The following CARD8 variants were observed in gnomAD, a reference collection of about 807,000 sequenced individuals.
CARD8 encodes the protein caspase recruitment domain-containing protein 8.
Under a neutral mutation model 53.2 loss-of-function variants are expected in CARD8, and 38 were observed. That is an observed-to-expected ratio of 0.71 (90% confidence interval 0.55 to 0.94). The LOEUF (loss-of-function observed/expected upper bound fraction) is 0.94. Ranked by LOEUF, CARD8 falls within the 40% of genes least tolerant of loss-of-function variation. The pLI is 0.00. For synonymous variants in CARD8, 245 were observed against 244.9 expected (o/e 1.00, Z 0.00); for missense variants, 561 against 655.5 (o/e 0.86, Z 1.57).
chr19:48,250,030 T>G (rs892427929), intron 1 of CARD8, among the ~76,000 whole-genome samples, 183 bp from the exon 2 acceptor site: 1 of 152,198 alleles, frequency 6.6e-6, no homozygotes, highest in South Asian at 2.1e-4. Flanking sequence ...TGTTTTAATT[T>G]CTGTAATAAT....
At chr19:48,224,786 C>T (rs540999709) in intron 10 of CARD8, among the ~76,000 whole-genome samples, 9 of 149,234 alleles carry the variant, frequency 6.0e-5, no homozygotes, top group Non-Finnish European at 7.4e-5. Flanking sequence ...GATGGAGTCT[C>T]GCTCTGTCGC....
chr19:48,244,820 G>A lies in CARD8; in HGVS notation c.-43-3757C>T, dbSNP rs545439330. Among the ~76,000 whole-genome samples the A allele has an allele frequency of 2.6e-5, 4 of 151,954 alleles. 1 individual carries two copies. Among genetic ancestry groups the A allele is most frequent in the African/African-American group, 9.6e-5 (4 of 41,504 alleles). On this transcript the variant is annotated intron_variant, in intron 3 of 13. Transcript: ENST00000651546. The stretch of plus-strand genomic sequence containing the variant: ...AAGTTGTTGTTTTTTGTTTTGTTTT[G>A]TTTTAGATAAAGAACAATCAAAGGA...
chr19:48,246,528 A>G lies in CARD8; in HGVS notation c.-44+2995T>C, dbSNP rs185142054. On this transcript the variant is annotated intron_variant, in intron 3 of 13. Transcript: ENST00000651546. Reference sequence around the variant, plus strand: ...CCGAACTGTGCCTACACATGCCTGTATTTACTTCTCGATAGATAGACTGAC... The same window carrying G: ...CCGAACTGTGCCTACACATGCCTGTGTTTACTTCTCGATAGATAGACTGAC... Among the ~76,000 whole-genome samples, 34 of 152,274 alleles carry G rather than the reference A, an allele frequency of 2.2e-4. No homozygotes were observed. The South Asian group carries it at 2.7e-3, about 12-fold the overall frequency.
At chr19:48,221,440 CA>C (rs2040606504) in intron 11 of CARD8, among the ~76,000 whole-genome samples, 1 of 152,158 alleles carries the variant, frequency 6.6e-6, no homozygotes, top group Admixed American at 6.5e-5. Context: ...TTAGGCAAGA[CA>C]TCAGGACTGA....
chr19:48,204,380 G>C (rs1258507879), downstream of CARD8: 1 of 338,140 alleles, frequency 3.0e-6, no homozygotes, highest in East Asian at 9.3e-5. Flanking sequence ...GGGGAAATGG[G>C]ATGTTTTCAA....
chr19:48,214,054 A>AC (rs1366871118), intron 13 of CARD8, among the ~76,000 whole-genome samples: 5 of 152,162 alleles, frequency 3.3e-5, no homozygotes, highest in African/African-American at 1.2e-4. Flanking sequence ...TTAAATATTT[A>AC]CCCCCAATAA....
Position 48,241,053 on chromosome 19 carries a change from TC to T in CARD8, c.-34del. On this transcript the variant is annotated 5_prime_UTR_variant, in exon 4 of 14. The change abolishes the stop of an existing upstream ORF in the 5' untranslated region. Coordinates refer to ENST00000651546, the MANE Select transcript of CARD8 (RefSeq NM_001184900.3). ...ATGTGGTATTTATGTCTTTACTGTA[TC>T]TTTTTTACCCTGAAAAAATAAAAGG... is the stretch of plus-strand genomic sequence containing the variant. The T allele has an allele frequency of 6.7e-7, 1 of 1,496,324 alleles. No homozygotes were observed. The highest frequency in any genetic ancestry group is 9.0e-7 in the Non-Finnish European group (1 of 1,111,008). 92.7% of individuals were successfully genotyped at this position (1,496,324 alleles called of 1,614,324 possible).
intron 12 of CARD8, among the ~76,000 whole-genome samples, chr19:48,216,401 C>T (rs937562757): frequency 6.6e-6 from 1 of 152,174 alleles, no homozygotes; most frequent in Non-Finnish European, 1.5e-5. Context: ...AAACAAAACT[C>T]TGACAATCTG....
At position 48,230,487 on chromosome 19, in the gene CARD8, T is replaced by A. The variant is rs1255950401; in HGVS notation, c.986A>T (p.Asp329Val). 1 of 1,613,784 alleles carries A rather than the reference T, an allele frequency of 6.2e-7. No individual in the cohort carries two copies. The highest frequency in any genetic ancestry group is 1.7e-5 in the Admixed American group (1 of 59,998). Residue 329 changes from aspartate to valine, a missense_variant, in exon 10 of 14, where the codon GAT becomes GTT. Coordinates refer to ENST00000651546, the MANE Select transcript of CARD8 (RefSeq NM_001184900.3). Reference sequence around the variant, plus strand: ...GACAAGGTACAAGTGGAACTTAATATCTTCGGGGTGGGGGTGATAATAGAT... The same window carrying A: ...GACAAGGTACAAGTGGAACTTAATAACTTCGGGGTGGGGGTGATAATAGAT... ...TLIYYHPHPEDIKFHLYLVPS... is the reference protein window; with the variant it reads ...TLIYYHPHPEVIKFHLYLVPS...
chr19:48,230,862 C>T lies in CARD8; in HGVS notation c.687G>A (p.Leu229=). The T allele has an allele frequency of 6.2e-7, 1 of 1,614,220 alleles. No individual in the cohort carries two copies. The highest frequency in any genetic ancestry group is 8.5e-7 in the Non-Finnish European group (1 of 1,180,056). Residue 229 remains leucine (L), a synonymous_variant, in exon 9 of 14, where the codon CTG becomes CTA. Transcript: ENST00000651546. The part of the protein sequence containing the change: ...ALDLQHHEQW[L]VGGPLFDVTA... ...TGACATCAAACAAGGGGCCGCCCAC[C>T]AGCCACTGTTCATGGTGCTGCAGGT... is the stretch of plus-strand genomic sequence containing the variant.
intron 1 of CARD8, among the ~76,000 whole-genome samples, chr19:48,255,403 T>C (rs1260997204): frequency 2.0e-5 from 3 of 152,196 alleles, no homozygotes; most frequent in African/African-American, 7.2e-5. Flanking sequence ...GAAGCTTTCA[T>C]ATGTTTGTTA....
At chr19:48,240,877 C>T (rs1441430227) in intron 4 of CARD8, 85 bp downstream of exon 4, 12 of 1,060,658 alleles carry the variant, frequency 1.1e-5, no homozygotes, top group Non-Finnish European at 1.7e-5. Flanking sequence ...CAGAAAACAT[C>T]CATGGTCCTC....
downstream of CARD8, among the ~76,000 whole-genome samples, chr19:48,207,130 T>G (rs1232655490): frequency 7.5e-6 from 1 of 132,860 alleles, no homozygotes; most frequent in African/African-American, 2.9e-5. Context: ...ATCACGCCAC[T>G]GCACTCCAAC....
downstream of CARD8, chr19:48,204,333 G>A: frequency 2.6e-6 from 1 of 379,156 alleles, no homozygotes; most frequent in Non-Finnish European, 5.4e-6. Flanking sequence ...TGTGCCGGAG[G>A]AATCAGTCTG....
rs565068745 is a variant in CARD8, at chr19:48,234,332, T to C, written c.350+71A>G. The stretch of plus-strand genomic sequence containing the variant: ...TCGATGAAAAACACCCAAATTCCTC[T>C]AATTCTCATGTTCCTCTGTGATATT... On this transcript the variant is annotated intron_variant, in intron 6 of 13. Coordinates refer to ENST00000651546, the MANE Select transcript of CARD8 (RefSeq NM_001184900.3). The C allele has an allele frequency of 5.0e-5, 73 of 1,473,248 alleles. No homozygotes were observed. The African/African-American group carries it at 8.9e-4, about 18-fold the overall frequency. The allele number at this position is 1,473,248 out of a possible 1,614,324, so 91.3% of individuals were successfully genotyped here.
In CARD8 at chr19:48,240,959, C is replaced by T; in HGVS notation, c.59+3G>A. 1 of 1,535,892 alleles carries T rather than the reference C, an allele frequency of 6.5e-7. No homozygotes were observed. Among genetic ancestry groups the T allele is most frequent in the Non-Finnish European group, 8.7e-7 (1 of 1,146,582 alleles). The stretch of plus-strand genomic sequence containing the variant: ...AGCCCTCACAGAGCGCAAAGTCACT[C>T]ACCGTCTCGGCAGCTCTTCCTCACT... On this transcript the variant is annotated splice_donor_region_variant and intron_variant, in intron 4 of 13. Transcript: ENST00000651546.
In CARD8 at chr19:48,208,190, T is replaced by C. The variant is rs1176538636; in HGVS notation, c.*3520A>G. The C allele has an allele frequency of 1.3e-5, 2 of 152,196 alleles. No homozygotes were observed. The highest frequency in any genetic ancestry group is 1.9e-4 in the East Asian group (1 of 5,202). 9.4% of individuals were successfully genotyped at this position (152,196 alleles called of 1,614,324 possible). ...AATTTAGTTCTACTTCAAGATAAGGTATAGACAACTGCAAAATTCCACTGT... is the reference window on the plus strand; with the variant it reads ...AATTTAGTTCTACTTCAAGATAAGGCATAGACAACTGCAAAATTCCACTGT... On this transcript the variant is annotated 3_prime_UTR_variant, in exon 14 of 14. Transcript: ENST00000651546.
chr19:48,240,096 C>T (rs2044687935), intron 4 of CARD8, among the ~76,000 whole-genome samples: 1 of 152,240 alleles, frequency 6.6e-6, no homozygotes, highest in Admixed American at 6.5e-5. Context: ...AGAACACAAA[C>T]ATTCATTCTG....
downstream of CARD8, among the ~76,000 whole-genome samples, chr19:48,205,795 A>AGTAGGGAG (rs1171400699): frequency 6.6e-6 from 1 of 152,182 alleles, no homozygotes; most frequent in Non-Finnish European, 1.5e-5. Context: ...GGGAAATGTG[A>AGTAGGGAG]GTAGGGAGTG....
Sources: allele counts gnomAD v4.1 joint callset (sites outside exome capture counted in the v4.1 genomes callset), GRCh38; gene constraint gnomAD v4.1.1; transcripts MANE v1.5; gene names NCBI Gene and HGNC (gene_info 2026-07-23, HGNC 2026-07-21).